NCAM1: variants seen among roughly 807,000 people sequenced by gnomAD.
NCAM1 encodes antigen recognized by monoclonal antibody 5.1H11.
NCAM1 carries 14 observed loss-of-function variants against 109.8 expected under a neutral mutation model. The observed-to-expected ratio is 0.13, with a 90% CI of 0.08 to 0.20. The LOEUF is 0.20. Among genes scored for constraint, NCAM1 ranks in the 10% least tolerant of loss-of-function variants. The probability of loss-of-function intolerance (pLI) is 1.00; values close to 1 mark genes in which losing one functional copy is unlikely to be tolerated. For missense variants in NCAM1, 774 were observed against 1,109.9 expected, an observed-to-expected ratio of 0.70 and a Z score of 4.30; for synonymous variants, 418 against 442.9, an observed-to-expected ratio of 0.94 and a Z score of 0.70.
rs1944176377 is a variant in NCAM1 at position 113,204,484 on chromosome 11, C to A, written c.326C>A (p.Thr109Asn). The change falls in exon 3 of 20, where the codon ACC (threonine) becomes AAC (asparagine). Residue 109 changes from threonine (T) to asparagine (N), a missense_variant. Physicochemically the swap from Thr to Asn is moderately conservative, Grantham distance 65. Around this residue, in one of 4 missense-constraint regions of NCAM1, gnomAD observed 112 missense variants for 142.0 expected, o/e 0.79. Coordinates refer to ENST00000316851, the MANE Select transcript of NCAM1 (RefSeq NM_181351.5). ...TGEDGSESEA[T>N]VNVKIFQKLM... ...GAGGATGGCAGTGAGTCAGAGGCCA[C>A]CGTCAACGTGAAGATCTTTCGTAAG... The A allele has an allele frequency of 6.2e-7, 1 of 1,613,854 alleles. No individual in the cohort carries two copies. The highest frequency in any genetic ancestry group is 1.1e-5 in the South Asian group (1 of 91,070).
intron 1 of NCAM1, among the ~76,000 whole-genome samples, chr11:113,100,728 TG>T (rs1178974397): frequency 6.6e-6 from 1 of 151,556 alleles, no homozygotes; most frequent in Non-Finnish European, 1.5e-5. Flanking sequence ...GTAGAAGATG[TG>T]GGGGGGTGGG....
Position 113,017,635 on chromosome 11 carries a change from T to TTGTGTG in NCAM1, c.52+55991_52+55996dup, listed in dbSNP as rs71698389. 8.9e-5 allele frequency among the ~76,000 whole-genome samples: 13 copies of TTGTGTG among 145,280 alleles called. No homozygotes were observed. The South Asian group carries it at 1.1e-3, about 13-fold the overall frequency. Reference sequence around the variant, plus strand: ...AATAAAGTCAGCCATCAGTACTGTTTTGTGTGTGTGTGTGTGTGTGTGTGT... The same window carrying TTGTGTG: ...AATAAAGTCAGCCATCAGTACTGTTTTGTGTGTGTGTGTGTGTGTGTGTGTGTGTGT... On this transcript the variant is annotated intron_variant, in intron 1 of 19. Transcript: ENST00000316851.
chr11:113,202,631 G>A (rs1190679007), intron 2 of NCAM1, among the ~76,000 whole-genome samples, 178 bp downstream of exon 2: 2 of 152,144 alleles, frequency 1.3e-5, no homozygotes, highest in East Asian at 3.8e-4. Context: ...CCTTCCTTTT[G>A]CAAAAATCTG....
In NCAM1 at chr11:113,232,251, A is replaced by C; in HGVS notation, c.1322A>C (p.Tyr441Ser). The C allele has an allele frequency of 6.2e-7, 1 of 1,613,928 alleles. No homozygotes were observed. Among genetic ancestry groups the C allele is most frequent in the South Asian group, 1.1e-5 (1 of 91,074 alleles). ...AACATCACCTGCGAGGTATTTGCCT[A>C]TCCCAGTGCCACGATCTCATGGTTT... ...QVNITCEVFA[Y>S]PSATISWFRD... Residue 441 changes from tyrosine (Y) to serine (S), a missense_variant, in exon 11 of 20, where the codon TAT (tyrosine) becomes TCT (serine). Physicochemically the swap from Tyr to Ser is moderately radical, Grantham distance 144. Coordinates refer to ENST00000316851, the MANE Select transcript of NCAM1 (RefSeq NM_181351.5).
At chr11:113,015,658 C>T (rs1306193581) in intron 1 of NCAM1, among the ~76,000 whole-genome samples, 2 of 151,966 alleles carry the variant, frequency 1.3e-5, no homozygotes, top group Non-Finnish European at 1.5e-5. Flanking sequence ...ATTGCTTGAA[C>T]CTGGGAGGCA....
chr11:113,092,471 G>A (rs1799299853), intron 1 of NCAM1, among the ~76,000 whole-genome samples: 1 of 152,120 alleles, frequency 6.6e-6, no homozygotes, highest in Non-Finnish European at 1.5e-5. Context: ...TATTTTACAG[G>A]TGGGGAAACT....
intron 1 of NCAM1, among the ~76,000 whole-genome samples, chr11:113,098,367 T>C (rs1939704123): frequency 6.6e-6 from 1 of 152,230 alleles, no homozygotes; most frequent in Admixed American, 6.5e-5. Flanking sequence ...TCCTGTATGA[T>C]TGAATCATCT....
rs1398321109 is a variant in NCAM1, at chr11:113,147,368, C to CA, written c.53-55006dup. 3.3e-5 allele frequency among the ~76,000 whole-genome samples: 5 copies of CA among 152,346 alleles called. No individual in the cohort carries two copies. The East Asian group carries it at 9.6e-4, about 29-fold the overall frequency. On this transcript the variant is annotated intron_variant, in intron 1 of 19. Coordinates refer to ENST00000316851, the MANE Select transcript of NCAM1 (RefSeq NM_181351.5). The stretch of plus-strand genomic sequence containing the variant: ...CATCTTGCTTGAGGATAAAACAAAA[C>CA]AAAAACGGCTAGCTCATGGGAGGAG...
intron 1 of NCAM1, among the ~76,000 whole-genome samples, chr11:113,078,510 G>T (rs1555086543): frequency 6.6e-6 from 1 of 152,070 alleles, no homozygotes; most frequent in Non-Finnish European, 1.5e-5. Context: ...GCTGAGTAGG[G>T]TATAGTAACT....
At chr11:113,001,940 C>A (rs989496694) in intron 1 of NCAM1, among the ~76,000 whole-genome samples, 15 of 152,166 alleles carry the variant, frequency 9.9e-5, no homozygotes, top group Admixed American at 9.8e-4. Context: ...TCCCAGGCAG[C>A]TTCTCTCCGT....
At chr11:113,177,776 G>C (rs1555107308) in intron 1 of NCAM1, among the ~76,000 whole-genome samples, 3 of 152,138 alleles carry the variant, frequency 2.0e-5, no homozygotes, top group African/African-American at 7.2e-5. Context: ...CCCTGTCATG[G>C]GCAGGGTCAG....
intron 1 of NCAM1, among the ~76,000 whole-genome samples, chr11:113,102,927 G>T (rs1939938257): frequency 6.6e-6 from 1 of 152,158 alleles, no homozygotes; most frequent in African/African-American, 2.4e-5. Flanking sequence ...AAACATACTT[G>T]CTTGATTATT....
intron 1 of NCAM1, among the ~76,000 whole-genome samples, chr11:113,002,099 G>A (rs185909557): frequency 2.0e-5 from 3 of 152,318 alleles, no homozygotes; most frequent in African/African-American, 7.2e-5. Context: ...CAATTAGTAA[G>A]CTGGGGAGAT....
At chr11:113,220,948 G>T (rs1944675983) in intron 8 of NCAM1, among the ~76,000 whole-genome samples, 1 of 152,066 alleles carries the variant, frequency 6.6e-6, no homozygotes, top group African/African-American at 2.4e-5. Flanking sequence ...AGATAATGTG[G>T]TTAGAACTAG....
intron 1 of NCAM1, among the ~76,000 whole-genome samples, chr11:113,067,906 G>GTTTTTTTT (rs782134624): frequency 3.2e-5 from 4 of 125,434 alleles, no homozygotes; most frequent in Non-Finnish European, 3.3e-5. Context: ...CATATAACAA[G>GTTTTTTTT]TTTTTTTTTT....
intron 1 of NCAM1, among the ~76,000 whole-genome samples, chr11:112,984,591 A>G (rs1302905416): frequency 6.6e-6 from 1 of 151,924 alleles, no homozygotes; most frequent in Non-Finnish European, 1.5e-5. Context: ...AAGCCATCCT[A>G]ACAGGTGTGA....
intron 14 of NCAM1, among the ~76,000 whole-genome samples, chr11:113,241,162 CA>C (rs1186267507): frequency 2.0e-5 from 3 of 152,120 alleles, no homozygotes; most frequent in African/African-American, 7.2e-5. Flanking sequence ...TTGGAGAAGC[CA>C]AAGGAATTGA....
chr11:113,121,537 CAAAA>C (rs3051887), intron 1 of NCAM1, among the ~76,000 whole-genome samples: 21 of 92,426 alleles, frequency 2.3e-4, no homozygotes, highest in African/African-American at 8.2e-4. Context: ...ACCAATCTTA[CAAAA>C]AAAAAAAAAA....
At position 112,962,945 on chromosome 11, in the gene NCAM1, G is replaced by A. The variant is rs1261876596; in HGVS notation, c.52+1281G>A. ...TGTCGCGGTCGCAGCTCCAGGTACC[G>A]TTGTACCTGCCCTGGACGGCCGACC... On this transcript the variant is annotated intron_variant, in intron 1 of 19. Transcript: ENST00000316851. The surrounding 1 kb of genome is among the most constrained non-coding windows in gnomAD (Gnocchi z 5.6). Among the ~76,000 whole-genome samples, 2 of 152,152 alleles carry A rather than the reference G, an allele frequency of 1.3e-5. No homozygotes were observed. Among genetic ancestry groups the A allele is most frequent in the East Asian group, 3.9e-4 (2 of 5,100 alleles).
Sources: gnomAD v4.1 joint callset for allele counts (sites outside exome capture counted in the v4.1 genomes callset) on GRCh38, gnomAD v4.1.1 for gene constraint, gnomAD v4.1.1 regional missense constraint, Gnocchi (gnomAD v3.1) non-coding constraint, MANE v1.5 for transcripts, NCBI Gene and HGNC (gene_info 2026-07-23, HGNC 2026-07-21) for gene names.